The following LOXHD1 variants were observed in gnomAD, a reference collection of about 807,000 sequenced individuals.
The protein encoded by LOXHD1 is lipoxygenase homology PLAT domains 1.
A neutral mutation model predicts 248.2 loss-of-function variants in LOXHD1; 205 were observed. The ratio of observed to expected loss-of-function variants is 0.83; its 90% CI spans 0.74 to 0.93. LOXHD1 has a LOEUF of 0.93. Among genes scored for constraint, LOXHD1 ranks in the 40% least tolerant of loss-of-function variants. LOXHD1 has a pLI of 0.00. For synonymous variants in LOXHD1, 1,113 were observed against 1,162.8 expected (o/e 0.96, Z 0.87); for missense variants, 2,930 against 2,971.6 (o/e 0.99, Z 0.33).
At position 46,484,950 on chromosome 18, in the gene LOXHD1, A is replaced by G. The variant is rs1438293107; in HGVS notation, c.6182+69T>C. The G allele has an allele frequency of 2.6e-6, 4 of 1,521,578 alleles. No homozygotes were observed. In the African/African-American group the frequency reaches 5.5e-5, roughly 21 times the overall value. The allele number at this position is 1,521,578 out of a possible 1,614,324, so 94.3% of individuals were successfully genotyped here. On this transcript the variant is annotated intron_variant, in intron 39 of 40. Transcript: ENST00000642948. ...TGTGTACCTATGGCTCCCACCCAAG[A>G]GGGAGATTCTCGGGGTCCTCCCTTA...
At chr18:46,549,739 A>T (rs2037005070) in intron 21 of LOXHD1, among the ~76,000 whole-genome samples, 1 of 152,242 alleles carries the variant, frequency 6.6e-6, no homozygotes, top group Admixed American at 6.5e-5. Flanking sequence ...AATCCCACCC[A>T]ACATATTTGC....
At chr18:46,643,383 A>C (rs1384525004) in intron 2 of LOXHD1, among the ~76,000 whole-genome samples, 1 of 152,230 alleles carries the variant, frequency 6.6e-6, no homozygotes, top group Non-Finnish European at 1.5e-5. Flanking sequence ...CCATTGGCAA[A>C]ATAAAGACAG....
At chr18:46,542,674 CTGTCCATGGTCCTTA>C (rs2036613066) in intron 24 of LOXHD1, 38 bp downstream of exon 24, 2 of 1,545,136 alleles carry the variant, frequency 1.3e-6, no homozygotes, top group African/African-American at 2.8e-5. Flanking sequence ...CCACAAGGAC[CTGTCCATGGTCCTTA>C]AAGTCTTAGC....
At chr18:46,615,911 T>A (rs1401495086) in intron 5 of LOXHD1, among the ~76,000 whole-genome samples, 1 of 152,228 alleles carries the variant, frequency 6.6e-6, no homozygotes, top group Non-Finnish European at 1.5e-5. Flanking sequence ...GCATCATTCT[T>A]TTTGTCATTA....
At chr18:46,644,418 C>T (rs534828296) in intron 2 of LOXHD1, among the ~76,000 whole-genome samples, 33 of 152,286 alleles carry the variant, frequency 2.2e-4, no homozygotes, top group Admixed American at 4.6e-4. Flanking sequence ...GCACCCATGA[C>T]GGTATCATTT....
chr18:46,620,754 T>C (rs554063994), intron 4 of LOXHD1, among the ~76,000 whole-genome samples: 78 of 152,282 alleles, frequency 5.1e-4, no homozygotes, highest in African/African-American at 1.8e-3. Flanking sequence ...AGGTCCTTTT[T>C]AATCTGCAAT....
chr18:46,620,582 A>G (rs954281138), intron 4 of LOXHD1, among the ~76,000 whole-genome samples: 6 of 152,214 alleles, frequency 3.9e-5, no homozygotes, highest in African/African-American at 1.4e-4. Context: ...TGTAGTATCT[A>G]AGGCTATTCA....
intron 26 of LOXHD1, among the ~76,000 whole-genome samples, chr18:46,535,146 A>G (rs1327894801): frequency 1.3e-5 from 2 of 152,138 alleles, no homozygotes; most frequent in Admixed American, 1.3e-4. Flanking sequence ...CATAGTTGTA[A>G]GTTTTCATTT....
intron 38 of LOXHD1, among the ~76,000 whole-genome samples, chr18:46,485,845 T>C (rs2033004536): frequency 6.6e-6 from 1 of 152,060 alleles, no homozygotes; most frequent in Non-Finnish European, 1.5e-5. Flanking sequence ...CCACCTTGTG[T>C]CCTGGTACTT....
intron 14 of LOXHD1, among the ~76,000 whole-genome samples, chr18:46,573,626 G>A (rs2037798802): frequency 6.6e-6 from 1 of 152,096 alleles, no homozygotes; most frequent in Non-Finnish European, 1.5e-5. Context: ...AGCCTCCCTG[G>A]CATGGAGTTC....
chr18:46,620,319 T>C (rs1010259377), intron 4 of LOXHD1, among the ~76,000 whole-genome samples: 10 of 152,148 alleles, frequency 6.6e-5, no homozygotes, highest in South Asian at 2.1e-4. Flanking sequence ...GGTGGCAAGA[T>C]GCCTAGGGCC....
At chr18:46,619,756 A>G (rs2038642165) in intron 4 of LOXHD1, among the ~76,000 whole-genome samples, 1 of 152,212 alleles carries the variant, frequency 6.6e-6, no homozygotes, top group African/African-American at 2.4e-5. Context: ...AGCCCCTGAA[A>G]GTTGGCCTTG....
intron 29 of LOXHD1, among the ~76,000 whole-genome samples, chr18:46,526,428 T>C (rs1387721894): frequency 2.0e-5 from 3 of 152,252 alleles, no homozygotes; most frequent in Non-Finnish European, 4.4e-5. Flanking sequence ...AGTGTTTATA[T>C]AGCATGATGC....
At chr18:46,649,448 CA>C (rs1282811159) in intron 1 of LOXHD1, among the ~76,000 whole-genome samples, 179 bp from the exon 2 acceptor site, 2 of 152,220 alleles carry the variant, frequency 1.3e-5, no homozygotes, top group African/African-American at 4.8e-5. Flanking sequence ...GCTGCAAGAT[CA>C]AAACTTCACA....
At chr18:46,611,417 A>C (rs1288275847) in intron 5 of LOXHD1, among the ~76,000 whole-genome samples, 1 of 152,240 alleles carries the variant, frequency 6.6e-6, no homozygotes, top group Non-Finnish European at 1.5e-5. Context: ...CCACAATTCA[A>C]GAAGGAGATA....
intron 16 of LOXHD1, among the ~76,000 whole-genome samples, chr18:46,567,098 T>A (rs1265807020): frequency 6.6e-6 from 1 of 152,224 alleles, no homozygotes; most frequent in Non-Finnish European, 1.5e-5. Context: ...TAGAGGGGAG[T>A]GCAGATGATC....
At chr18:46,535,710 A>G (rs2036281558) in intron 26 of LOXHD1, among the ~76,000 whole-genome samples, 1 of 152,122 alleles carries the variant, frequency 6.6e-6, no homozygotes, top group African/African-American at 2.4e-5. Context: ...AGCTGGGATT[A>G]CAGGTGCCTG....
At chr18:46,645,232 G>A (rs970467887) in intron 2 of LOXHD1, among the ~76,000 whole-genome samples, 1 of 152,230 alleles carries the variant, frequency 6.6e-6, no homozygotes, top group African/African-American at 2.4e-5. Flanking sequence ...AGGGTTTCGG[G>A]TCAAAGGAAA....
chr18:46,637,192 G>A (rs138724692), intron 4 of LOXHD1, among the ~76,000 whole-genome samples: 112 of 152,200 alleles, frequency 7.4e-4, no homozygotes, highest in Middle Eastern at 6.8e-3. Flanking sequence ...AAAACCATTG[G>A]AATATTTGAA....
Sources: gnomAD v4.1 joint callset for allele counts (sites outside exome capture counted in the v4.1 genomes callset) on GRCh38, gnomAD v4.1.1 for gene constraint, MANE v1.5 for transcripts, NCBI Gene and HGNC (gene_info 2026-07-23, HGNC 2026-07-21) for gene names.